Variants in CTNNA2 observed in about 807,000 individuals in gnomAD.
CTNNA2 encodes the protein catenin alpha-2.
In CTNNA2, 42 loss-of-function variants were observed where a neutral mutation model predicts 101.0. The observed-to-expected ratio is 0.42, with a 90% CI of 0.32 to 0.54. The LOEUF (loss-of-function observed/expected upper bound fraction) is 0.54, where lower values mean the gene tolerates loss of function less well. Among genes scored for constraint, CTNNA2 ranks in the 20% least tolerant of loss-of-function variants. The probability of loss-of-function intolerance (pLI) is 0.14; values close to 1 mark genes in which losing one functional copy is unlikely to be tolerated. For synonymous variants in CTNNA2, 450 were observed against 456.4 expected (o/e 0.99, Z 0.18); for missense variants, 871 against 1,223.1 (o/e 0.71, Z 4.29).
chr2:79,663,000 G>T (rs1682145712), intron 2 of CTNNA2, among the ~76,000 whole-genome samples: 1 of 151,996 alleles, frequency 6.6e-6, no homozygotes, highest in African/African-American at 2.4e-5. Context: ...TCTTTCTTCT[G>T]CATTTTCTCC....
chr2:80,539,353 T>C (rs1339029674), intron 9 of CTNNA2, among the ~76,000 whole-genome samples: 1 of 149,090 alleles, frequency 6.7e-6, no homozygotes, highest in East Asian at 2.0e-4. Context: ...TTTCTAGTTC[T>C]GCTAATGATA....
rs78884358 is a variant in CTNNA2, at chr2:79,834,527, T to C, written c.299-23486T>C. 4.4e-3 allele frequency among the ~76,000 whole-genome samples: 676 copies of C among 152,254 alleles called. 14 individuals are homozygous for C. The highest frequency in any genetic ancestry group is 0.04 in the East Asian group (207 of 5,188). On this transcript the variant is annotated intron_variant, in intron 3 of 18. Transcript: ENST00000402739. Reference sequence around the variant, plus strand: ...TCAGTTGGTATGCTTTTCATATCTTTATTAGTCATTTGGGTTTGCTATTTT... The same window carrying C: ...TCAGTTGGTATGCTTTTCATATCTTCATTAGTCATTTGGGTTTGCTATTTT...
chr2:80,475,357 A>G (rs1234754897), intron 9 of CTNNA2, among the ~76,000 whole-genome samples: 2 of 152,184 alleles, frequency 1.3e-5, no homozygotes, highest in African/African-American at 4.8e-5. Flanking sequence ...CACATGTGCT[A>G]ATAACTGCTG....
intron 8 of CTNNA2, among the ~76,000 whole-genome samples, chr2:80,394,555 CTTTGT>C (rs1274372913): frequency 1.3e-5 from 2 of 152,134 alleles, no homozygotes; most frequent in Non-Finnish European, 2.9e-5. Context: ...GTCTCTATCT[CTTTGT>C]TCTCTTAGAT....
chr2:80,197,778 G>T (rs1019164420), intron 7 of CTNNA2, among the ~76,000 whole-genome samples: 6 of 152,162 alleles, frequency 3.9e-5, no homozygotes, highest in Admixed American at 1.3e-4. Flanking sequence ...ATGTAGACAA[G>T]TCTCAGTAAT....
At chr2:80,036,823 T>TTGTGTGTG (rs1213433697) in intron 7 of CTNNA2, among the ~76,000 whole-genome samples, 37 of 134,820 alleles carry the variant, frequency 2.7e-4, no homozygotes, top group African/African-American at 9.7e-4. Context: ...GTGTGTGTGT[T>TTGTGTGTG]TGTGTGTGTG....
chr2:80,548,513 C>T (rs546503938), intron 11 of CTNNA2, among the ~76,000 whole-genome samples: 21 of 152,236 alleles, frequency 1.4e-4, no homozygotes, highest in African/African-American at 5.1e-4. Flanking sequence ...CTTGTCATTC[C>T]TTTGTGCATC....
In CTNNA2 at chr2:80,505,801, T is replaced by C. The variant is rs562509578; in HGVS notation, c.1291-39181T>C. The stretch of plus-strand genomic sequence containing the variant: ...CACAAATATACTTGGATATGAAAAT[T>C]TCCAGGTGCTTGCTTTCTTTAGCTA... On this transcript the variant is annotated intron_variant, in intron 9 of 18. Transcript: ENST00000402739. Among the ~76,000 whole-genome samples the C allele has an allele frequency of 1.3e-4, 20 of 152,338 alleles. No homozygotes were observed. In the East Asian group the frequency reaches 3.3e-3, roughly 25 times the overall value.
chr2:79,780,733 T>C (rs1674356724), intron 3 of CTNNA2, among the ~76,000 whole-genome samples: 1 of 152,196 alleles, frequency 6.6e-6, no homozygotes, highest in African/African-American at 2.4e-5. Context: ...TTATAAATTA[T>C]GTTCAATTTC....
chr2:79,979,398 C>T (rs896138193), intron 7 of CTNNA2, among the ~76,000 whole-genome samples: 1 of 151,952 alleles, frequency 6.6e-6, no homozygotes, highest in African/African-American at 2.4e-5. Context: ...AAGGAAAACC[C>T]TGATAACATG....
chr2:79,937,275 C>T (rs181209664), intron 7 of CTNNA2, among the ~76,000 whole-genome samples: 56 of 152,274 alleles, frequency 3.7e-4, no homozygotes, highest in African/African-American at 1.3e-3. Flanking sequence ...GAAGAACTAA[C>T]AGCCACATAT....
chr2:80,110,656 C>T (rs1701161278), intron 7 of CTNNA2, among the ~76,000 whole-genome samples: 1 of 152,082 alleles, frequency 6.6e-6, no homozygotes, highest in African/African-American at 2.4e-5. Context: ...CCATGTGGAC[C>T]CATAGCTACT....
chr2:80,348,955 A>G (rs1673036893), intron 7 of CTNNA2, among the ~76,000 whole-genome samples: 1 of 152,162 alleles, frequency 6.6e-6, no homozygotes, highest in South Asian at 2.1e-4. Context: ...GAAAGGAAAA[A>G]GTACTACTAT....
At chr2:80,521,092 C>G (rs570688917) in intron 9 of CTNNA2, among the ~76,000 whole-genome samples, 1 of 152,174 alleles carries the variant, frequency 6.6e-6, no homozygotes, top group Non-Finnish European at 1.5e-5. Context: ...TGAGCACCCA[C>G]GAAGCCCTGA....
chr2:80,420,835 T>G (rs1378141039), intron 9 of CTNNA2, among the ~76,000 whole-genome samples: 1 of 152,228 alleles, frequency 6.6e-6, no homozygotes, highest in Non-Finnish European at 1.5e-5. Flanking sequence ...AGGTTCTATG[T>G]GCAAAAGCCT....
In CTNNA2 at chr2:80,256,384, C is replaced by G. The variant is rs140664934; in HGVS notation, c.1057-136827C>G. On this transcript the variant is annotated intron_variant, in intron 7 of 18. Coordinates refer to ENST00000402739, the MANE Select transcript of CTNNA2 (RefSeq NM_001282597.3). ...AGCTCCTCTGTGCTGCTTTCATCTC[C>G]CTGGATGTTGAGACAGCTGCGGCAC... 2.0e-5 allele frequency among the ~76,000 whole-genome samples: 3 copies of G among 152,214 alleles called. No homozygotes were observed. The East Asian group carries it at 5.8e-4, about 29-fold the overall frequency.
intron 4 of CTNNA2, among the ~76,000 whole-genome samples, chr2:79,434,523 C>T (rs570380870): frequency 6.6e-5 from 10 of 152,236 alleles, no homozygotes; most frequent in South Asian, 4.2e-4. Flanking sequence ...TGCCAATGGA[C>T]GCCAGCTGAG....
chr2:80,553,720 C>A (rs78961944), intron 11 of CTNNA2, among the ~76,000 whole-genome samples: 3 of 152,182 alleles, frequency 2.0e-5, no homozygotes, highest in African/African-American at 4.8e-5. Flanking sequence ...TAGTTACTTA[C>A]TCTCAAGGGC....
intron 7 of CTNNA2, among the ~76,000 whole-genome samples, chr2:80,029,812 G>A (rs555976440): frequency 2.6e-5 from 4 of 151,960 alleles, no homozygotes; most frequent in African/African-American, 4.8e-5. Context: ...CACATGTACC[G>A]AACATAAAAA....
Sources: allele counts gnomAD v4.1 joint callset (sites outside exome capture counted in the v4.1 genomes callset), GRCh38; gene constraint gnomAD v4.1.1; transcripts MANE v1.5; gene names NCBI Gene and HGNC (gene_info 2026-07-23, HGNC 2026-07-21).